Variants in ROBO2 observed in about 807,000 individuals in gnomAD.
The protein encoded by ROBO2 is roundabout homolog 2.
Under a neutral mutation model 160.8 loss-of-function variants are expected in ROBO2, and 53 were observed. The observed-to-expected ratio is 0.33, with a 90% confidence interval of 0.26 to 0.41. The LOEUF (loss-of-function observed/expected upper bound fraction) is 0.41, where lower values mean the gene tolerates loss of function less well. Among genes scored for constraint, ROBO2 ranks in the 10% least tolerant of loss-of-function variants. ROBO2 has a pLI of 1.00. For synonymous variants in ROBO2, 664 were observed against 611.7 expected (o/e 1.09, Z -1.26); for missense variants, 1,577 against 1,722.4 (o/e 0.92, Z 1.49).
chr3:76,415,969 C>T (rs914746566), intron 2 of ROBO2, among the ~76,000 whole-genome samples: 1 of 152,012 alleles, frequency 6.6e-6, no homozygotes, highest in African/African-American at 2.4e-5. Flanking sequence ...CTAATGTTCT[C>T]AATTATTTAG....
chr3:75,956,538 C>T lies in ROBO2; in HGVS notation c.109+18936C>T, dbSNP rs1948727868. 2.0e-5 allele frequency among the ~76,000 whole-genome samples: 3 copies of T among 151,632 alleles called. No individual in the cohort carries two copies. In the South Asian group the frequency reaches 6.2e-4, roughly 31 times the overall value. On this transcript the variant is annotated intron_variant, in intron 2 of 26. Coordinates refer to the ROBO2 transcript ENST00000487694. ...AATTTGGAAATGTAAAAATCCATTG[C>T]CATGTTCCTTGGAATATAGGGTCCT...
intron 2 of ROBO2, among the ~76,000 whole-genome samples, chr3:77,341,997 T>C (rs1395252064): frequency 1.3e-5 from 2 of 152,116 alleles, no homozygotes; most frequent in East Asian, 1.9e-4. Context: ...TAGAAATTGC[T>C]GGATATTAAG....
chr3:77,062,262 C>G (rs887382679), intron 1 of ROBO2, among the ~76,000 whole-genome samples: 5 of 152,248 alleles, frequency 3.3e-5, no homozygotes, highest in African/African-American at 1.2e-4. Flanking sequence ...TTTAAATAAA[C>G]TCATTATTTC....
At chr3:76,194,350 G>GTGTATA (rs759087780) in intron 2 of ROBO2, among the ~76,000 whole-genome samples, 58 of 42,042 alleles carry the variant, frequency 1.4e-3, no homozygotes, top group Non-Finnish European at 2.1e-3. Context: ...TGTATGGTGT[G>GTGTATA]TAAATATATA....
chr3:77,135,923 T>A (rs1261464385), intron 2 of ROBO2, among the ~76,000 whole-genome samples: 1 of 152,240 alleles, frequency 6.6e-6, no homozygotes, highest in Non-Finnish European at 1.5e-5. Context: ...ATTATTCAAT[T>A]GCTTAAAGTT....
chr3:76,313,142 G>A (rs2071717060), intron 2 of ROBO2, among the ~76,000 whole-genome samples: 1 of 152,188 alleles, frequency 6.6e-6, no homozygotes, highest in African/African-American at 2.4e-5. Flanking sequence ...TTTTTTAAAG[G>A]TCAGTCAAGT....
At chr3:76,318,880 A>G (rs1404562195) in intron 2 of ROBO2, among the ~76,000 whole-genome samples, 2 of 152,138 alleles carry the variant, frequency 1.3e-5, no homozygotes, top group African/African-American at 2.4e-5. Flanking sequence ...TCCAAAAGTG[A>G]TGAGAGTTGG....
chr3:76,490,327 A>T (rs2079746484), intron 2 of ROBO2, among the ~76,000 whole-genome samples: 1 of 152,204 alleles, frequency 6.6e-6, no homozygotes, highest in African/African-American at 2.4e-5. Context: ...AATGTTGAAC[A>T]TTTTTGGCAG....
At chr3:77,103,926 G>T (rs1466235500) in intron 2 of ROBO2, among the ~76,000 whole-genome samples, 10 of 152,016 alleles carry the variant, frequency 6.6e-5, no homozygotes, top group African/African-American at 2.4e-4. Context: ...GTAAATGTTT[G>T]TTTTTTATTT....
At chr3:77,204,002 G>A (rs1011444894) in intron 2 of ROBO2, among the ~76,000 whole-genome samples, 1 of 152,150 alleles carries the variant, frequency 6.6e-6, no homozygotes, top group Non-Finnish European at 1.5e-5. Flanking sequence ...ATAAAATACA[G>A]CCCACAATTT....
intron 2 of ROBO2, chr3:77,317,415 G>GTACCTGGTT: frequency 7.2e-7 from 1 of 1,390,896 alleles, no homozygotes. Flanking sequence ...GCCATAGTCA[G>GTACCTGGTT]TCCATCGGTA....
At chr3:76,419,962 AC>A (rs2075920783) in intron 2 of ROBO2, among the ~76,000 whole-genome samples, 1 of 152,066 alleles carries the variant, frequency 6.6e-6, no homozygotes, top group Admixed American at 6.6e-5. Context: ...GTTTAAGTTA[AC>A]TTTTCTCTAG....
chr3:77,233,769 ATTC>A (rs1454509202), intron 2 of ROBO2, among the ~76,000 whole-genome samples: 1 of 152,166 alleles, frequency 6.6e-6, no homozygotes, highest in Admixed American at 6.5e-5. Context: ...TGAGCAATTA[ATTC>A]TTATTAATTA....
chr3:76,739,264 A>C (rs1407386330), intron 2 of ROBO2, among the ~76,000 whole-genome samples: 1 of 152,300 alleles, frequency 6.6e-6, no homozygotes, highest in African/African-American at 2.4e-5. Context: ...GATTAAGAAA[A>C]TGTGGCACAT....
intron 2 of ROBO2, among the ~76,000 whole-genome samples, chr3:77,158,066 A>C (rs1426770381): frequency 6.6e-6 from 1 of 152,134 alleles, no homozygotes; most frequent in Non-Finnish European, 1.5e-5. Context: ...CCCTAAACAC[A>C]GTCAGTAAAA....
intron 2 of ROBO2, among the ~76,000 whole-genome samples, chr3:76,663,904 A>G (rs1169095153): frequency 6.6e-6 from 1 of 151,670 alleles, no homozygotes; most frequent in South Asian, 2.1e-4. Flanking sequence ...ACTCCATCTC[A>G]GGAAAAAAAA....
At chr3:77,099,626 T>A (rs139033435) in intron 2 of ROBO2, among the ~76,000 whole-genome samples, 2 of 152,210 alleles carry the variant, frequency 1.3e-5, no homozygotes, top group Non-Finnish European at 2.9e-5. Flanking sequence ...AATTCAAGAA[T>A]GCAAATATCC....
chr3:76,879,793 A>G (rs1329149056), intron 2 of ROBO2, among the ~76,000 whole-genome samples: 2 of 152,152 alleles, frequency 1.3e-5, no homozygotes, highest in Non-Finnish European at 2.9e-5. Context: ...TGAAATGAAA[A>G]CCATTGTGTT....
intron 24 of ROBO2, among the ~76,000 whole-genome samples, chr3:77,642,014 G>T (rs988368144): frequency 6.6e-5 from 10 of 152,036 alleles, no homozygotes; most frequent in Non-Finnish European, 1.2e-4. Flanking sequence ...CTGAACATTG[G>T]TTATTACTTA....
Sources: gnomAD v4.1 joint callset for allele counts (sites outside exome capture counted in the v4.1 genomes callset) on GRCh38, gnomAD v4.1.1 for gene constraint, MANE v1.5 for transcripts, NCBI Gene and HGNC (gene_info 2026-07-23, HGNC 2026-07-21) for gene names.